CNTNAP3B: variants seen among roughly 807,000 people sequenced by gnomAD.
CNTNAP3B encodes contactin-associated protein-like 3B.
CNTNAP3B carries 25 observed loss-of-function variants against 108.9 expected under a neutral mutation model. That is an observed-to-expected ratio of 0.23 (90% CI 0.17 to 0.32). The LOEUF is 0.32. Ranked by LOEUF, CNTNAP3B falls within the 10% of genes least tolerant of loss-of-function variation. The pLI, the probability that CNTNAP3B is intolerant of heterozygous loss-of-function variation, is 1.00. For synonymous variants in CNTNAP3B, 103 were observed against 473.4 expected (o/e 0.22, Z 10.16); for missense variants, 252 against 1,210.4 (o/e 0.21, Z 11.75).
chr9:41,951,140 T>A (rs1336499778), intron 13 of CNTNAP3B, among the ~76,000 whole-genome samples: 1 of 140,442 alleles, frequency 7.1e-6, no homozygotes, highest in Non-Finnish European at 1.5e-5. Context: ...TGCACTATAC[T>A]TCTACAAGAT....
Position 42,111,898 on chromosome 9 carries a change from A to G in CNTNAP3B, c.86-7159T>C, listed in dbSNP as rs1023791219. 1.2e-4 allele frequency among the ~76,000 whole-genome samples: 17 copies of G among 138,680 alleles called. 2 individuals carry two copies. Among genetic ancestry groups the G allele is most frequent in the Non-Finnish European group, 3.1e-5 (2 of 64,920 alleles). The allele number at this position is 138,680 out of a possible 152,430, so 91.0% of individuals were successfully genotyped here. A position where few individuals can be genotyped will look rare whatever the true frequency, so the allele number is the denominator to read the frequency against. On this transcript the variant is annotated intron_variant, in intron 1 of 23. Coordinates refer to ENST00000377561, the MANE Select transcript of CNTNAP3B (RefSeq NM_001201380.3). ...CCCCAGCCACACACACACCTTACAT[A>G]TCACCAGAGCAGAAACGGTTTTAAA...
At chr9:41,922,041 T>C (rs1443037421) in intron 17 of CNTNAP3B, among the ~76,000 whole-genome samples, 1 of 145,722 alleles carries the variant, frequency 6.9e-6, no homozygotes, top group Non-Finnish European at 1.5e-5. Flanking sequence ...GCCAATCCTC[T>C]GCAATGTGAA....
At chr9:42,112,345 G>A (rs1279279973) in intron 1 of CNTNAP3B, among the ~76,000 whole-genome samples, 1 of 139,426 alleles carries the variant, frequency 7.2e-6, no homozygotes, top group Non-Finnish European at 1.5e-5. Context: ...TTACACCTCT[G>A]GAGAAGGAGC....
At position 42,002,869 on chromosome 9, in the gene CNTNAP3B, T is replaced by C. The variant is rs561874936; in HGVS notation, c.539-4265A>G. Among the ~76,000 whole-genome samples, 5 of 134,644 alleles carry C rather than the reference T, an allele frequency of 3.7e-5. 1 individual carries two copies. Among genetic ancestry groups the C allele is most frequent in the Admixed American group, 3.7e-4 (5 of 13,484 alleles). 88.3% of individuals were successfully genotyped at this position (134,644 alleles called of 152,430 possible). The stretch of plus-strand genomic sequence containing the variant: ...TGAGTTGCTATTTCCTTTATTTCCT[T>C]ACGCCATATTTTATCTTCACATTTT... On this transcript the variant is annotated intron_variant, in intron 4 of 23. Transcript: ENST00000377561.
At position 41,931,794 on chromosome 9, in the gene CNTNAP3B, A is replaced by T. The variant is rs1164944480; in HGVS notation, c.2238-2350T>A. Among the ~76,000 whole-genome samples the T allele has an allele frequency of 3.3e-3, 465 of 142,994 alleles. 2 individuals carry two copies. The highest frequency in any genetic ancestry group is 0.012 in the African/African-American group (435 of 35,948). The allele number at this position is 142,994 out of a possible 152,430, so 93.8% of individuals were successfully genotyped here. A position where few individuals can be genotyped will look rare whatever the true frequency, so the allele number is the denominator to read the frequency against. Reference sequence around the variant, plus strand: ...AAAAATTACCATTTCCAATTCTGTGATCATCATTTTAGCAAGATAGTCTAG... The same window carrying T: ...AAAAATTACCATTTCCAATTCTGTGTTCATCATTTTAGCAAGATAGTCTAG... On this transcript the variant is annotated intron_variant, in intron 14 of 23. Coordinates refer to ENST00000377561, the MANE Select transcript of CNTNAP3B (RefSeq NM_001201380.3).
intron 10 of CNTNAP3B, among the ~76,000 whole-genome samples, chr9:41,966,465 C>A (rs537025430): frequency 1.4e-3 from 215 of 152,294 alleles, no homozygotes; most frequent in African/African-American, 4.8e-3. Flanking sequence ...ATGCAGAAGA[C>A]CAACAGAGGG....
chr9:41,924,656 C>CATACATAT (rs1351980892), intron 15 of CNTNAP3B, among the ~76,000 whole-genome samples: 3 of 29,272 alleles, frequency 1.0e-4, no homozygotes, highest in African/African-American at 1.9e-4. Context: ...CACACACACA[C>CATACATAT]ACACACACAC....
rs1198111302 is a variant in CNTNAP3B at position 42,104,351 on chromosome 9, T to C, written c.196+278A>G. ...GTCTTTGATAAATAATACTCAGATA[T>C]TGCAAGGGGTATACAAAGAGTTCAA... On this transcript the variant is annotated intron_variant, in intron 2 of 23. Transcript: ENST00000377561. Among the ~76,000 whole-genome samples, 76 of 80,406 alleles carry C rather than the reference T, an allele frequency of 9.5e-4. 10 individuals are homozygous for C. The highest frequency in any genetic ancestry group is 3.0e-3 in the African/African-American group (69 of 23,200). The allele number at this position is 80,406 out of a possible 152,430, so 52.7% of individuals were successfully genotyped here.
chr9:42,054,980 G>A (rs1474473385), intron 3 of CNTNAP3B, among the ~76,000 whole-genome samples: 1 of 143,430 alleles, frequency 7.0e-6, no homozygotes, highest in Non-Finnish European at 1.5e-5. Flanking sequence ...CCCAGCCACT[G>A]CCCTTCACTC....
At chr9:41,954,427 A>T (rs1266296269) in intron 12 of CNTNAP3B, among the ~76,000 whole-genome samples, 1 of 152,274 alleles carries the variant, frequency 6.6e-6, no homozygotes, top group African/African-American at 2.4e-5. Flanking sequence ...AGAGGAAAGA[A>T]GGAAAAGAAA....
chr9:42,127,862 C>T (rs1828606537), intron 1 of CNTNAP3B, among the ~76,000 whole-genome samples: 1 of 139,198 alleles, frequency 7.2e-6, no homozygotes, highest in Non-Finnish European at 1.5e-5. Flanking sequence ...ACAGGCAGAA[C>T]AGCACTGAGC....
intron 1 of CNTNAP3B, among the ~76,000 whole-genome samples, chr9:42,120,085 G>C (rs1235236162): frequency 2.0e-5 from 3 of 150,794 alleles, no homozygotes; most frequent in South Asian, 2.1e-4. Flanking sequence ...ATCTGACAAA[G>C]GGCTAATATC....
intron 2 of CNTNAP3B, among the ~76,000 whole-genome samples, chr9:42,085,607 T>C: frequency 7.5e-6 from 1 of 133,700 alleles, no homozygotes; most frequent in Non-Finnish European, 1.6e-5. Context: ...CAGTGTCCCT[T>C]TATTCTTGAG....
chr9:41,959,694 C>T (rs1825000786), intron 12 of CNTNAP3B, among the ~76,000 whole-genome samples: 1 of 152,310 alleles, frequency 6.6e-6, no homozygotes, highest in African/African-American at 2.4e-5. Context: ...ATCTTCTGAA[C>T]ATCCCCTGTA....
At chr9:41,963,774 C>G (rs1157572687) in intron 11 of CNTNAP3B, among the ~76,000 whole-genome samples, 3 of 152,214 alleles carry the variant, frequency 2.0e-5, no homozygotes, top group African/African-American at 7.2e-5. Flanking sequence ...AGCTCAACTC[C>G]TCATCTTCCC....
At chr9:41,928,006 C>A (rs1253803988) in intron 15 of CNTNAP3B, among the ~76,000 whole-genome samples, 1 of 150,594 alleles carries the variant, frequency 6.6e-6, no homozygotes. Context: ...TAAAAGAGAA[C>A]AGAATATTTC....
chr9:42,125,667 T>TG (rs1177670181), intron 1 of CNTNAP3B, among the ~76,000 whole-genome samples: 4 of 135,192 alleles, frequency 3.0e-5, no homozygotes, highest in South Asian at 4.8e-4. Flanking sequence ...CATTTTTTGT[T>TG]TTTTTTTTTT....
At chr9:41,937,068 A>G (rs1205612772) in intron 14 of CNTNAP3B, among the ~76,000 whole-genome samples, 1 of 146,196 alleles carries the variant, frequency 6.8e-6, no homozygotes, top group Non-Finnish European at 1.5e-5. Context: ...TGTCCAAATC[A>G]ATTATACTGA....
intron 14 of CNTNAP3B, among the ~76,000 whole-genome samples, chr9:41,934,657 C>T (rs1298803081): frequency 3.3e-3 from 505 of 152,232 alleles, no homozygotes; most frequent in African/African-American, 0.012. Context: ...CATAATACAG[C>T]TATATCTGCT....
Sources: allele counts gnomAD v4.1 joint callset (sites outside exome capture counted in the v4.1 genomes callset), GRCh38; gene constraint gnomAD v4.1.1; transcripts MANE v1.5; gene names NCBI Gene and HGNC (gene_info 2026-07-23, HGNC 2026-07-21).